INTS6: variants seen among roughly 807,000 people sequenced by gnomAD.
INTS6 encodes DEAD box protein.
Under a neutral mutation model 104.9 loss-of-function variants are expected in INTS6, and 16 were observed. That is an observed-to-expected ratio of 0.15 (90% CI 0.10 to 0.23). INTS6 has a LOEUF of 0.23. Among genes scored for constraint, INTS6 ranks in the 10% least tolerant of loss-of-function variants. INTS6 has a pLI of 1.00. For missense variants in INTS6, 584 were observed against 1,062.8 expected (o/e 0.55, Z 6.26); for synonymous variants, 324 against 358.7 (o/e 0.90, Z 1.09).
At chr13:51,341,356 C>T in the INTS6 span, 2 of 1,577,198 alleles carry the variant, frequency 1.3e-6, no homozygotes, top group East Asian at 2.3e-5. Flanking sequence ...TGGTAAGAGG[C>T]CTGCCCACGT....
At chr13:51,408,048 C>T (rs117786887) in intron 4 of INTS6, among the ~76,000 whole-genome samples, 1 of 148,826 alleles carries the variant, frequency 6.7e-6, no homozygotes, top group Non-Finnish European at 1.5e-5. Flanking sequence ...ATAACATTTT[C>T]AATGCTAAAG....
chr13:51,422,902 A>C, intron 4 of INTS6: 1 of 350,268 alleles, frequency 2.9e-6, no homozygotes, highest in Non-Finnish European at 5.2e-6. Flanking sequence ...TCTCTTCCTG[A>C]TATGTCATGG....
At chr13:51,393,592 C>T (rs564496090) in intron 5 of INTS6, among the ~76,000 whole-genome samples, 5 of 152,028 alleles carry the variant, frequency 3.3e-5, no homozygotes, top group Admixed American at 1.3e-4. Flanking sequence ...ACTCTTATTG[C>T]TAGTAAGAGC....
At chr13:51,335,787 T>TA in the INTS6 span, 1 of 152,160 alleles carries the variant, frequency 6.6e-6, no homozygotes, top group Non-Finnish European at 1.5e-5. Context: ...GATGCATGCA[T>TA]AGCACCACAC....
At chr13:51,429,640 T>G (rs2138096498) in intron 4 of INTS6, among the ~76,000 whole-genome samples, 1 of 151,312 alleles carries the variant, frequency 6.6e-6, no homozygotes, top group African/African-American at 2.4e-5. Context: ...GGCTCATGCC[T>G]GTAATCCCAG....
intron 4 of INTS6, among the ~76,000 whole-genome samples, chr13:51,419,234 G>A (rs191913485): frequency 4.0e-4 from 61 of 152,214 alleles, no homozygotes; most frequent in African/African-American, 1.4e-3. Flanking sequence ...TATAGTCCAC[G>A]CTACTTCTTT....
At chr13:51,336,577 C>T in the INTS6 span, among the ~76,000 whole-genome samples, 1 of 152,162 alleles carries the variant, frequency 6.6e-6, no homozygotes, top group Non-Finnish European at 1.5e-5. Flanking sequence ...ATTCCAAAGC[C>T]CCTTCTTATG....
At chr13:51,430,736 C>T (rs953128213) in intron 3 of INTS6, among the ~76,000 whole-genome samples, 1 of 151,954 alleles carries the variant, frequency 6.6e-6, no homozygotes, top group Non-Finnish European at 1.5e-5. Flanking sequence ...GTAGATATTA[C>T]AAGTTACAAT....
intron 15 of INTS6, among the ~76,000 whole-genome samples, chr13:51,372,174 A>G (rs1398602318): frequency 6.6e-6 from 1 of 151,750 alleles, no homozygotes; most frequent in Non-Finnish European, 1.5e-5. Context: ...ACTCATAGCC[A>G]TTGTTTCCAT....
chr13:51,361,196 G>C, downstream of INTS6: 2 of 901,450 alleles, frequency 2.2e-6, no homozygotes, highest in South Asian at 3.0e-5. Flanking sequence ...AATTTTGTAA[G>C]TACATTTTTA....
Position 51,428,326 on chromosome 13 carries a change from CTTTT to C in INTS6, c.429+1964_429+1967del, listed in dbSNP as rs887192550. On this transcript the variant is annotated intron_variant, in intron 4 of 17. Coordinates refer to ENST00000311234, the MANE Select transcript of INTS6 (RefSeq NM_012141.3). ...TCAAATTTAAAATGACTTTTTTTTT[CTTTT>C]TTTTTTTTTTTTGAGACGGAGTCTT... Among the ~76,000 whole-genome samples, 9 of 135,024 alleles carry C rather than the reference CTTTT, an allele frequency of 6.7e-5. No homozygotes were observed. The East Asian group carries it at 1.3e-3, about 19-fold the overall frequency. The allele number at this position is 135,024 out of a possible 152,430, so 88.6% of individuals were successfully genotyped here.
intron 5 of INTS6, among the ~76,000 whole-genome samples, chr13:51,390,559 A>C (rs566953327): frequency 1.3e-4 from 20 of 152,162 alleles, no homozygotes; most frequent in African/African-American, 4.1e-4. Context: ...ATTTGTAATA[A>C]GCTCAATATG....
rs745473271 is a variant in INTS6 at position 51,367,792 on chromosome 13, ATAGTT to A, written c.2570+8_2570+12del. On this transcript the variant is annotated splice_region_variant and intron_variant, in intron 17 of 17. Coordinates refer to ENST00000311234, the MANE Select transcript of INTS6 (RefSeq NM_012141.3). ...TTTCATCACCATTTCATTATATGCA[ATAGTT>A]TATTTACCTTGATGCTTCTTTAATG... 1 of 1,405,546 alleles carries A rather than the reference ATAGTT, an allele frequency of 7.1e-7. No individual in the cohort carries two copies. The highest frequency in any genetic ancestry group is 1.2e-5 in the South Asian group (1 of 81,930). The allele number at this position is 1,405,546 out of a possible 1,614,324, so 87.1% of individuals were successfully genotyped here.
downstream of INTS6, among the ~76,000 whole-genome samples, chr13:51,353,470 T>G (rs1955431045): frequency 2.0e-5 from 3 of 152,314 alleles, no homozygotes; most frequent in South Asian, 6.2e-4. Flanking sequence ...GCAAAGTAAC[T>G]TCCCACGGAG....
chr13:51,431,374 T>C (rs189181079), intron 3 of INTS6, among the ~76,000 whole-genome samples: 13 of 152,302 alleles, frequency 8.5e-5, no homozygotes, highest in African/African-American at 1.4e-4. Context: ...TATGAGCCAC[T>C]TGGAGATCTT....
Position 51,452,185 on chromosome 13 carries a change from C to T in INTS6, c.112-130G>A. ...CACACGCAGCGGCCACCCCTCCACG[C>T]CGTCCCCCACACACAGATCGCTCCC... is the stretch of plus-strand genomic sequence containing the variant. On this transcript the variant is annotated intron_variant, in intron 1 of 17. Transcript: ENST00000311234. This position sits in a 1 kb window ranked among gnomAD's most constrained non-coding sequence, Gnocchi z 4.2. The T allele has an allele frequency of 2.2e-6, 2 of 900,956 alleles. No individual in the cohort carries two copies. The highest frequency in any genetic ancestry group is 3.4e-6 in the Non-Finnish European group (2 of 589,566). 55.8% of individuals were successfully genotyped at this position (900,956 alleles called of 1,614,324 possible).
chr13:51,361,508 G>A (rs552400541), downstream of INTS6: 1 of 633,620 alleles, frequency 1.6e-6, no homozygotes, highest in Non-Finnish European at 2.7e-6. Context: ...GAACACTAAA[G>A]AAAACAAAAA....
At chr13:51,405,936 G>A (rs1476878962) in intron 4 of INTS6, among the ~76,000 whole-genome samples, 1 of 152,158 alleles carries the variant, frequency 6.6e-6, no homozygotes, top group African/African-American at 2.4e-5. Flanking sequence ...CTCTCCTTGA[G>A]TCATTAAATC....
intron 4 of INTS6, among the ~76,000 whole-genome samples, chr13:51,413,149 G>A (rs1956720413): frequency 6.6e-6 from 1 of 152,054 alleles, no homozygotes; most frequent in Middle Eastern, 3.2e-3. Context: ...AAGCAAATAA[G>A]CACACAAACT....
Sources: allele counts gnomAD v4.1 joint callset (sites outside exome capture counted in the v4.1 genomes callset), GRCh38; gene constraint gnomAD v4.1.1; non-coding constraint Gnocchi (gnomAD v3.1); transcripts MANE v1.5; gene names NCBI Gene and HGNC (gene_info 2026-07-23, HGNC 2026-07-21).